Variants in ENOSF1 observed in about 807,000 individuals in gnomAD.
The protein encoded by ENOSF1 is enolase superfamily member 1.
ENOSF1 carries 73 observed loss-of-function variants against 68.2 expected under a neutral mutation model. The ratio of observed to expected loss-of-function variants is 1.07; its 90% CI spans 0.89 to 1.30. ENOSF1 has a LOEUF of 1.30. Among genes scored for constraint, ENOSF1 ranks in the 50% most tolerant of loss-of-function variants. ENOSF1 has a pLI of 0.00. For missense variants in ENOSF1, 589 were observed against 554.5 expected, an observed-to-expected ratio of 1.06 and a Z score of -0.62; for synonymous variants, 223 against 210.4, an observed-to-expected ratio of 1.06 and a Z score of -0.52.
chr18:670,671 C>T lies in ENOSF1; in HGVS notation c.*3634G>A. ...CTTTCAAACCACCATCCCTCCTTAT[C>T]TTCCTCTGCTGGTTCCTCAGATCTT... On this transcript the variant is annotated 3_prime_UTR_variant, in exon 16 of 16. Transcript: ENST00000647584. 1 of 1,612,222 alleles carries T rather than the reference C, an allele frequency of 6.2e-7. No individual in the cohort carries two copies. The highest frequency in any genetic ancestry group is 8.5e-7 in the Non-Finnish European group (1 of 1,178,812).
intron 4 of ENOSF1, 31 bp downstream of exon 4, chr18:694,217 G>A: frequency 1.2e-6 from 2 of 1,605,682 alleles, no homozygotes; most frequent in East Asian, 2.2e-5. Flanking sequence ...CAGCTCCCAG[G>A]AGCCTCCTGA....
intron 2 of ENOSF1, 129 bp from the exon 3 acceptor site, chr18:697,484 C>A: frequency 1.4e-6 from 1 of 691,082 alleles, no homozygotes; most frequent in Non-Finnish European, 2.4e-6. Flanking sequence ...GGCGCGGTGG[C>A]TCATGCCTGT....
Position 673,081 on chromosome 18 carries a change from A to G in ENOSF1, c.*1224T>C. ...GAGGTAAAAGTTCTTTTTGCTCTAAAAGAAAAAGGAACTAGGTCAAAAATC... is the reference window on the plus strand; with the variant it reads ...GAGGTAAAAGTTCTTTTTGCTCTAAGAGAAAAAGGAACTAGGTCAAAAATC... On this transcript the variant is annotated 3_prime_UTR_variant, in exon 16 of 16. Coordinates refer to ENST00000647584, the MANE Select transcript of ENOSF1 (RefSeq NM_017512.7). 5 of 1,395,012 alleles carry G rather than the reference A, an allele frequency of 3.6e-6. No homozygotes were observed. The highest frequency in any genetic ancestry group is 1.9e-5 in the South Asian group (1 of 52,854). 86.4% of individuals were successfully genotyped at this position (1,395,012 alleles called of 1,614,324 possible). A position where few individuals can be genotyped will look rare whatever the true frequency, so the allele number is the denominator to read the frequency against.
intron 8 of ENOSF1, 129 bp downstream of exon 8, chr18:690,420 G>C (rs749481062): frequency 3.0e-6 from 3 of 1,005,980 alleles, no homozygotes; most frequent in Non-Finnish European, 4.6e-6. Context: ...ACTGGTTGGC[G>C]TGAGAAGGAA....
intron 10 of ENOSF1, among the ~76,000 whole-genome samples, chr18:684,444 CCT>C (rs760855753): frequency 1.3e-5 from 2 of 151,920 alleles, no homozygotes; most frequent in Non-Finnish European, 2.9e-5. Context: ...GGGAGGATCC[CCT>C]GAGCCAGGGG....
chr18:677,478 G>C, intron 13 of ENOSF1, 34 bp from the exon 14 acceptor site: 8 of 1,583,648 alleles, frequency 5.1e-6, no homozygotes, highest in Non-Finnish European at 6.9e-6. Flanking sequence ...AATACCAAGA[G>C]TAGGGCAGGG....
rs1351996515 is a variant in ENOSF1 at position 678,722 on chromosome 18, C to G, written c.892G>C (p.Gly298Arg). The G allele has an allele frequency of 3.7e-6, 6 of 1,614,076 alleles. No homozygotes were observed. The highest frequency in any genetic ancestry group is 4.2e-6 in the Non-Finnish European group (5 of 1,180,046). ...ATISKALVPL[G>R]IGIATGEQCH... is the part of the protein sequence containing the mutation. ...TGTTCTCCTGTGGCAATGCCAATTC[C>G]TAATGGGACCAGTGCCTATAAAATA... Residue 298 changes from glycine to arginine, a missense_variant, in exon 12 of 16, where the codon GGA becomes CGA. Physicochemically the swap from Gly to Arg is moderately radical, Grantham distance 125. Coordinates refer to ENST00000647584, the MANE Select transcript of ENOSF1 (RefSeq NM_017512.7).
At chr18:696,904 G>A (rs1010184236) in intron 3 of ENOSF1, among the ~76,000 whole-genome samples, 1 of 151,992 alleles carries the variant, frequency 6.6e-6, no homozygotes, top group Non-Finnish European at 1.5e-5. Context: ...ATCACTTGAG[G>A]TCAGGAGTTC....
intron 2 of ENOSF1, among the ~76,000 whole-genome samples, chr18:700,564 A>G (rs537432679): frequency 6.6e-6 from 1 of 152,194 alleles, no homozygotes; most frequent in Non-Finnish European, 1.5e-5. Context: ...TCAACAGGAG[A>G]CTAGAATTTG....
chr18:712,361 A>AT (rs1428690373), intron 1 of ENOSF1, 143 bp downstream of exon 1: 2 of 1,372,086 alleles, frequency 1.5e-6, no homozygotes, highest in African/African-American at 4.0e-5. Context: ...CGCGCGTACC[A>AT]TGGCGTCCGC....
At chr18:692,503 G>A (rs1258571610) in intron 5 of ENOSF1, 2 of 170,958 alleles carry the variant, frequency 1.2e-5, no homozygotes, top group African/African-American at 2.4e-5. Flanking sequence ...AGCTACTCAG[G>A]AGGCTGAGAC....
rs1232034856 is a variant in ENOSF1, at chr18:673,280, G to GT, written c.*1024dup. 3.6e-6 allele frequency: 1 copy of GT among 277,850 alleles called. No homozygotes were observed. Among genetic ancestry groups the GT allele is most frequent in the Non-Finnish European group, 6.8e-6 (1 of 147,884 alleles). 17.2% of individuals were successfully genotyped at this position (277,850 alleles called of 1,614,324 possible). On this transcript the variant is annotated 3_prime_UTR_variant, in exon 16 of 16. Transcript: ENST00000647584. ...ATGTATGTGCTCTTAGCAAAAACAT[G>GT]TATGTGCATTTCAATCCCACGTACT...
chr18:689,835 A>G (rs896574030), intron 8 of ENOSF1, among the ~76,000 whole-genome samples: 21 of 152,154 alleles, frequency 1.4e-4, no homozygotes, highest in Non-Finnish European at 2.4e-4. Context: ...GGGGACCAGA[A>G]AGACCTGAAA....
chr18:663,353 T>C, the ENOSF1 span, among the ~76,000 whole-genome samples: 1 of 99,646 alleles, frequency 1.0e-5, no homozygotes, highest in Non-Finnish European at 1.9e-5. Flanking sequence ...GCCCACTTTT[T>C]GATGGGGTTG....
At chr18:678,803 A>G (rs1039056900) in intron 11 of ENOSF1, 66 bp from the exon 12 acceptor site, 6 of 1,545,992 alleles carry the variant, frequency 3.9e-6, no homozygotes, top group Non-Finnish European at 5.4e-6. Flanking sequence ...TAATGTTTAA[A>G]AACATTTATA....
At chr18:683,900 G>C (rs2076354398) in intron 10 of ENOSF1, among the ~76,000 whole-genome samples, 1 of 151,878 alleles carries the variant, frequency 6.6e-6, no homozygotes, top group Non-Finnish European at 1.5e-5. Context: ...TATGGATTTT[G>C]TTCCATTTAA....
chr18:677,449 A>C lies in ENOSF1; in HGVS notation c.1049-5T>G. The C allele has an allele frequency of 6.2e-7, 1 of 1,611,074 alleles. No homozygotes were observed. The highest frequency in any genetic ancestry group is 8.5e-7 in the Non-Finnish European group (1 of 1,179,098). On this transcript the variant is annotated splice_polypyrimidine_tract_variant and splice_region_variant and intron_variant, in intron 13 of 15. Transcript: ENST00000647584. ...CAGCATGGGGGCAAACAGGAACTAA[A>C]AGGAAATCGTTTCTATTTAATACCA...
At chr18:685,440 A>G (rs1342567219) in intron 10 of ENOSF1, among the ~76,000 whole-genome samples, 1 of 152,182 alleles carries the variant, frequency 6.6e-6, no homozygotes, top group East Asian at 1.9e-4. Context: ...TATGCAAAAA[A>G]GCCTCCAAAG....
Position 671,731 on chromosome 18 carries a change from AT to A in ENOSF1, c.*2573del. 1 of 409,906 alleles carries A rather than the reference AT, an allele frequency of 2.4e-6. No homozygotes were observed. Among genetic ancestry groups the A allele is most frequent in the Non-Finnish European group, 4.3e-6 (1 of 232,710 alleles). The allele number at this position is 409,906 out of a possible 1,614,324, so 25.4% of individuals were successfully genotyped here. The stretch of plus-strand genomic sequence containing the variant: ...GCCAGGGGATTGTCCAAAAGGGGGC[AT>A]TTTAACTCATTTTAACTTGAAGGAG... On this transcript the variant is annotated 3_prime_UTR_variant, in exon 16 of 16. Coordinates refer to ENST00000647584, the MANE Select transcript of ENOSF1 (RefSeq NM_017512.7).
Sources: allele counts gnomAD v4.1 joint callset (sites outside exome capture counted in the v4.1 genomes callset), GRCh38; gene constraint gnomAD v4.1.1; transcripts MANE v1.5; gene names NCBI Gene and HGNC (gene_info 2026-07-23, HGNC 2026-07-21).